The following SCTR variants were observed in gnomAD, a reference collection of about 807,000 sequenced individuals.
SCTR encodes pancreatic secretin receptor.
SCTR carries 56 observed loss-of-function variants against 60.8 expected under a neutral mutation model. The ratio of observed to expected loss-of-function variants is 0.92; its 90% confidence interval spans 0.74 to 1.15. SCTR has a LOEUF of 1.15. SCTR is among the 50% of genes most tolerant of loss of function. The probability of loss-of-function intolerance (pLI) is 0.00; values close to 1 mark genes in which losing one functional copy is unlikely to be tolerated. For missense variants in SCTR, 562 were observed against 550.4 expected (o/e 1.02, Z -0.21); for synonymous variants, 202 against 217.0 (o/e 0.93, Z 0.61).
intron 2 of SCTR, among the ~76,000 whole-genome samples, 185 bp downstream of exon 2, chr2:119,494,243 T>G (rs1035846443): frequency 6.6e-6 from 1 of 152,132 alleles, no homozygotes; most frequent in Non-Finnish European, 1.5e-5. Flanking sequence ...GGATCTGGCT[T>G]TGGGGTCCAT....
Position 119,458,600 on chromosome 2 carries a change from CAA to C in SCTR, c.790+3245_790+3246del, listed in dbSNP as rs35957538. 1.4e-3 allele frequency among the ~76,000 whole-genome samples: 191 copies of C among 134,562 alleles called. 1 individual carries two copies. The highest frequency in any genetic ancestry group is 6.4e-3 in the East Asian group (30 of 4,690). 88.3% of individuals were successfully genotyped at this position (134,562 alleles called of 152,430 possible). On this transcript the variant is annotated intron_variant, in intron 7 of 12. Coordinates refer to ENST00000019103, the MANE Select transcript of SCTR (RefSeq NM_002980.3). ...TGGGCAACAGGGCAAGACTCTCTCT[CAA>C]AAAAAAAAAAAAAGTCTTGCCTCAA...
intron 7 of SCTR, among the ~76,000 whole-genome samples, chr2:119,456,577 T>C (rs1323036007): frequency 1.3e-5 from 2 of 151,928 alleles, no homozygotes; most frequent in African/African-American, 4.8e-5. Flanking sequence ...CTAAGGGAGC[T>C]GAGCAAATCT....
chr2:119,483,461 C>T (rs1677723919), intron 2 of SCTR, among the ~76,000 whole-genome samples: 1 of 152,162 alleles, frequency 6.6e-6, no homozygotes, highest in Non-Finnish European at 1.5e-5. Flanking sequence ...GCTGCTAGCC[C>T]CCCACAGTGT....
intron 9 of SCTR, among the ~76,000 whole-genome samples, chr2:119,450,754 G>A (rs1320168862): frequency 2.6e-5 from 4 of 152,060 alleles, no homozygotes; most frequent in Non-Finnish European, 5.9e-5. Context: ...CAGATCACTC[G>A]AGTCCAGGAA....
intron 1 of SCTR, among the ~76,000 whole-genome samples, chr2:119,522,296 CAAAAGAAAAAAAA>C (rs1416513804): frequency 7.8e-5 from 11 of 141,656 alleles, no homozygotes; most frequent in African/African-American, 2.9e-4. Context: ...AACTCTGTCT[CAAAAGAAAAAAAA>C]AAAAGAAAAA....
chr2:119,504,759 A>G (rs1425547624), intron 1 of SCTR, among the ~76,000 whole-genome samples: 1 of 152,148 alleles, frequency 6.6e-6, no homozygotes, highest in Non-Finnish European at 1.5e-5. Flanking sequence ...TCCTTGAAAA[A>G]CCATGTTAAG....
At chr2:119,497,324 A>C (rs981731647) in intron 1 of SCTR, among the ~76,000 whole-genome samples, 1 of 151,060 alleles carries the variant, frequency 6.6e-6, no homozygotes, top group Admixed American at 6.6e-5. Flanking sequence ...AGAAGGGAGC[A>C]CCCATTCCCC....
At chr2:119,478,953 G>A (rs749011327) in intron 2 of SCTR, 35 bp from the exon 3 acceptor site, 6 of 1,613,342 alleles carry the variant, frequency 3.7e-6, no homozygotes, top group Non-Finnish European at 3.4e-6. Context: ...AAGGATGGGG[G>A]ATGGACCGAG....
intron 7 of SCTR, among the ~76,000 whole-genome samples, chr2:119,458,276 A>G (rs910643562): frequency 2.0e-5 from 3 of 150,436 alleles, no homozygotes; most frequent in Admixed American, 6.6e-5. Flanking sequence ...GTTGCACTCC[A>G]GCCTGGGTGA....
chr2:119,495,206 G>A (rs1678300151), intron 1 of SCTR, among the ~76,000 whole-genome samples: 1 of 152,108 alleles, frequency 6.6e-6, no homozygotes, highest in Non-Finnish European at 1.5e-5. Flanking sequence ...TGCCCAGACT[G>A]GTATCAAACT....
chr2:119,453,330 CA>C lies in SCTR; in HGVS notation c.807del (p.Phe269LeufsTer34). The C allele has an allele frequency of 6.2e-7, 1 of 1,613,766 alleles. No individual in the cohort carries two copies. Among genetic ancestry groups the C allele is most frequent in the East Asian group, 2.2e-5 (1 of 44,902 alleles). Reference sequence around the variant, plus strand: ...TGTCTGGCAATAGCCCACAAAGCAACAAAAATGGCTGGAGAACCTGAGGATT... The same window carrying C: ...TGTCTGGCAATAGCCCACAAAGCAACAAAATGGCTGGAGAACCTGAGGATT... ...VAFGWGSPAIFVALWAIARHF... is the reference protein window; with the variant it reads ...VAFGWGSPAIXVALWAIARHF... On this transcript the variant is annotated frameshift_variant, in exon 8 of 13. Transcript: ENST00000019103. LOFTEE classifies it high-confidence loss of function.
chr2:119,446,798 C>T lies in SCTR; in HGVS notation c.1101G>A (p.Glu367=), dbSNP rs745687991. ...VFAFSPEDAM[E]IQLFFELALG... ...GGGCTAGTTCAAAAAACAGCTGGAT[C>T]TCCATAGCGTCCTCTGGGGAGAAGG... Residue 367 remains glutamate (E), a synonymous_variant, in exon 11 of 13, where the codon GAG becomes GAA. Transcript: ENST00000019103. 1 of 1,567,496 alleles carries T rather than the reference C, an allele frequency of 6.4e-7. No homozygotes were observed. The highest frequency in any genetic ancestry group is 2.4e-5 in the East Asian group (1 of 41,770).
intron 1 of SCTR, among the ~76,000 whole-genome samples, chr2:119,501,650 TA>T (rs997885826): frequency 6.6e-6 from 1 of 152,142 alleles, no homozygotes. Context: ...AAAGAAAAGA[TA>T]AATGTTTGAG....
chr2:119,512,981 A>G (rs918561868), intron 1 of SCTR, among the ~76,000 whole-genome samples: 1 of 152,210 alleles, frequency 6.6e-6, no homozygotes, highest in Non-Finnish European at 1.5e-5. Flanking sequence ...TCCTCAATGT[A>G]CGATCTAAGC....
At chr2:119,471,310 C>T (rs1416229222) in intron 4 of SCTR, among the ~76,000 whole-genome samples, 3 of 152,022 alleles carry the variant, frequency 2.0e-5, no homozygotes, top group Non-Finnish European at 2.9e-5. Flanking sequence ...AGCCCCCTCT[C>T]TTCATATAAG....
At chr2:119,511,208 G>A (rs979689133) in intron 1 of SCTR, among the ~76,000 whole-genome samples, 29 of 150,526 alleles carry the variant, frequency 1.9e-4, no homozygotes, top group African/African-American at 4.6e-4. Flanking sequence ...TGAGATCTCC[G>A]TCTCAAAAAA....
rs771751548 is a variant in SCTR at position 119,452,095 on chromosome 2, C to T, written c.852-16G>A. On this transcript the variant is annotated splice_polypyrimidine_tract_variant and intron_variant, in intron 8 of 12. Transcript: ENST00000019103. ...GTCCCAGCACCTAAGGGAGGGACAG[C>T]TGGGCATGGTTATGAGCAGGAGCTG... is the stretch of plus-strand genomic sequence containing the variant. The T allele has an allele frequency of 2.1e-5, 33 of 1,565,578 alleles. No individual in the cohort carries two copies. In the Middle Eastern group the frequency reaches 5.0e-4, roughly 24 times the overall value.
At chr2:119,450,387 G>A (rs914393791) in intron 9 of SCTR, among the ~76,000 whole-genome samples, 1 of 152,082 alleles carries the variant, frequency 6.6e-6, no homozygotes, top group South Asian at 2.1e-4. Flanking sequence ...TGGGCTCTCC[G>A]AGTCCCAGAA....
chr2:119,520,186 C>T (rs933158307), intron 1 of SCTR, among the ~76,000 whole-genome samples: 6 of 152,080 alleles, frequency 3.9e-5, no homozygotes, highest in African/African-American at 1.2e-4. Context: ...CCCCAGTGAC[C>T]CTCTCTGAAA....
Sources: allele counts gnomAD v4.1 joint callset (sites outside exome capture counted in the v4.1 genomes callset), GRCh38; gene constraint gnomAD v4.1.1; transcripts MANE v1.5; gene names NCBI Gene and HGNC (gene_info 2026-07-23, HGNC 2026-07-21).